The following DLG2 variants were observed in gnomAD, a reference collection of about 807,000 sequenced individuals.
DLG2 encodes the protein discs large MAGUK scaffold protein 2, also known as disks large homolog 2.
In DLG2, 45 loss-of-function variants were observed where a neutral mutation model predicts 132.5. The ratio of observed to expected loss-of-function variants is 0.34; its 90% CI spans 0.27 to 0.44. The LOEUF is 0.44. Among genes scored for constraint, DLG2 ranks in the 20% least tolerant of loss-of-function variants. The probability of loss-of-function intolerance (pLI) is 1.00; values close to 1 mark genes in which losing one functional copy is unlikely to be tolerated. For synonymous variants in DLG2, 424 were observed against 419.6 expected, an observed-to-expected ratio of 1.01 and a Z score of -0.13; for missense variants, 1,045 against 1,196.9, an observed-to-expected ratio of 0.87 and a Z score of 1.87.
chr11:85,121,606 T>C (rs985945779), intron 5 of DLG2, among the ~76,000 whole-genome samples: 1 of 152,064 alleles, frequency 6.6e-6, no homozygotes, highest in Non-Finnish European at 1.5e-5. Context: ...ATCATGATAA[T>C]TTGGTTTATC....
intron 6 of DLG2, among the ~76,000 whole-genome samples, chr11:85,098,370 CTGGATTAGATGAGAT>C (rs1258095702): frequency 6.6e-6 from 1 of 152,176 alleles, no homozygotes; most frequent in Non-Finnish European, 1.5e-5. Flanking sequence ...TGCACAGGGA[CTGGATTAGATGAGAT>C]TCTTTTTTTG....
At chr11:84,387,761 T>A (rs2098776738) in intron 7 of DLG2, among the ~76,000 whole-genome samples, 1 of 152,204 alleles carries the variant, frequency 6.6e-6, no homozygotes, top group African/African-American at 2.4e-5. Context: ...ACTTCAAGTA[T>A]CTTTTCAGGT....
intron 2 of DLG2, among the ~76,000 whole-genome samples, chr11:85,620,787 A>G (rs1389835964): frequency 6.6e-6 from 1 of 152,264 alleles, no homozygotes; most frequent in Non-Finnish European, 1.5e-5. Context: ...CATGAGGTGA[A>G]AGGAAAGAAG....
intron 19 of DLG2, among the ~76,000 whole-genome samples, chr11:83,562,233 A>C (rs886329763): frequency 1.3e-5 from 2 of 152,108 alleles, no homozygotes; most frequent in African/African-American, 2.4e-5. Flanking sequence ...TGTAAGACTT[A>C]AAGTGACTCT....
intron 6 of DLG2, among the ~76,000 whole-genome samples, chr11:84,879,341 T>C (rs968639518): frequency 2.6e-5 from 4 of 152,164 alleles, no homozygotes; most frequent in East Asian, 3.9e-4. Context: ...TTTAACACTG[T>C]AGACTACTAA....
chr11:84,975,734 A>G (rs2054807155), intron 6 of DLG2, among the ~76,000 whole-genome samples: 1 of 152,232 alleles, frequency 6.6e-6, no homozygotes, highest in Non-Finnish European at 1.5e-5. Flanking sequence ...ACCAAAATAA[A>G]GTTACTCTGA....
intron 6 of DLG2, among the ~76,000 whole-genome samples, chr11:84,821,045 A>G (rs959776667): frequency 1.3e-5 from 2 of 151,960 alleles, no homozygotes. Context: ...ATGAACAAAT[A>G]AAATATAAGG....
In DLG2 at chr11:83,601,124, C is replaced by A. The variant is rs532947202; in HGVS notation, c.1940+32087G>T. 6.6e-5 allele frequency among the ~76,000 whole-genome samples: 10 copies of A among 152,280 alleles called. No homozygotes were observed. In the South Asian group the frequency reaches 2.1e-3, roughly 32 times the overall value. On this transcript the variant is annotated intron_variant, in intron 19 of 27. Transcript: ENST00000376104. ...TGTCAAATCTGGCACATAGCAGATG[C>A]TCAATAAATGTTTACTGAAGAAATG...
chr11:85,408,391 TTTATTA>T (rs368903660), intron 3 of DLG2, among the ~76,000 whole-genome samples: 16 of 149,832 alleles, frequency 1.1e-4, no homozygotes, highest in Non-Finnish European at 1.5e-5. Context: ...TACTATTATT[TTTATTA>T]TTATTATTAT....
At chr11:84,240,059 C>T (rs1180267840) in intron 8 of DLG2, among the ~76,000 whole-genome samples, 1 of 152,190 alleles carries the variant, frequency 6.6e-6, no homozygotes, top group Non-Finnish European at 1.5e-5. Flanking sequence ...TGTGCCTAAT[C>T]TTTGAGGTAT....
intron 5 of DLG2, among the ~76,000 whole-genome samples, chr11:85,138,304 C>T (rs888729495): frequency 2.0e-5 from 3 of 151,974 alleles, no homozygotes; most frequent in Non-Finnish European, 4.4e-5. Flanking sequence ...AATTGTGTCC[C>T]TAACAAATCA....
intron 4 of DLG2, among the ~76,000 whole-genome samples, chr11:85,233,926 T>C (rs879321633): frequency 1.3e-5 from 2 of 151,876 alleles, no homozygotes; most frequent in Admixed American, 6.6e-5. Context: ...TCCTGAGAAA[T>C]ATTAGCTTGG....
At chr11:84,665,963 T>C (rs916367933) in intron 6 of DLG2, among the ~76,000 whole-genome samples, 1 of 152,148 alleles carries the variant, frequency 6.6e-6, no homozygotes, top group African/African-American at 2.4e-5. Context: ...AACTATAAAA[T>C]AGGGAGTTAG....
intron 10 of DLG2, among the ~76,000 whole-genome samples, chr11:84,060,235 C>A (rs2096569730): frequency 6.6e-6 from 1 of 152,100 alleles, no homozygotes; most frequent in Non-Finnish European, 1.5e-5. Context: ...TTGCTTGAAT[C>A]CCGAGGGTGG....
chr11:84,206,868 AAAAC>A (rs1317091794), intron 8 of DLG2, among the ~76,000 whole-genome samples: 5 of 152,130 alleles, frequency 3.3e-5, no homozygotes, highest in South Asian at 2.1e-4. Flanking sequence ...CCCCAAATCT[AAAAC>A]AAACAAATAC....
At chr11:84,143,678 T>C (rs2094950358) in intron 9 of DLG2, among the ~76,000 whole-genome samples, 1 of 152,154 alleles carries the variant, frequency 6.6e-6, no homozygotes, top group Admixed American at 6.5e-5. Context: ...TAATTTCAGT[T>C]TTTCCTAATG....
chr11:85,399,916 C>T (rs191759469), intron 3 of DLG2, among the ~76,000 whole-genome samples: 7 of 152,044 alleles, frequency 4.6e-5, no homozygotes, highest in Non-Finnish European at 1.0e-4. Flanking sequence ...GCAACAAAAG[C>T]CAAAATTGAC....
At chr11:85,442,741 A>G (rs1183748082) in intron 3 of DLG2, among the ~76,000 whole-genome samples, 1 of 151,878 alleles carries the variant, frequency 6.6e-6, no homozygotes, top group East Asian at 1.9e-4. Flanking sequence ...AAATAGCCAG[A>G]CATGGTGGCA....
intron 21 of DLG2, among the ~76,000 whole-genome samples, chr11:83,525,921 A>G (rs1322824202): frequency 6.6e-6 from 1 of 152,174 alleles, no homozygotes; most frequent in Non-Finnish European, 1.5e-5. Flanking sequence ...TGATTTTTTG[A>G]TAAGTGACAC....
Sources: allele counts gnomAD v4.1 joint callset (sites outside exome capture counted in the v4.1 genomes callset), GRCh38; gene constraint gnomAD v4.1.1; transcripts MANE v1.5; gene names NCBI Gene and HGNC (gene_info 2026-07-23, HGNC 2026-07-21).